The following TMEM132D variants were observed in gnomAD, a reference collection of about 807,000 sequenced individuals.
TMEM132D encodes transmembrane protein 132D.
In TMEM132D, 21 loss-of-function variants were observed where a neutral mutation model predicts 62.3. That is an observed-to-expected ratio of 0.34 (90% CI 0.24 to 0.49). TMEM132D has a LOEUF of 0.49. Ranked by LOEUF, TMEM132D falls within the 20% of genes least tolerant of loss-of-function variation. The pLI, the probability that TMEM132D is intolerant of heterozygous loss-of-function variation, is 0.99. For missense variants in TMEM132D, 1,346 were observed against 1,402.8 expected (o/e 0.96, Z 0.65); for synonymous variants, 621 against 575.6 (o/e 1.08, Z -1.13).
At chr12:129,154,628 G>A (rs1877178860) in intron 5 of TMEM132D, among the ~76,000 whole-genome samples, 2 of 152,202 alleles carry the variant, frequency 1.3e-5, no homozygotes, top group Admixed American at 6.5e-5. Context: ...GGATCATATT[G>A]TTTGTGATTG....
At chr12:129,642,078 C>T (rs186455384) in intron 2 of TMEM132D, among the ~76,000 whole-genome samples, 10 of 152,034 alleles carry the variant, frequency 6.6e-5, no homozygotes, top group South Asian at 4.2e-4. Flanking sequence ...AGAGACGGGA[C>T]GCTAGCCAGG....
intron 1 of TMEM132D, among the ~76,000 whole-genome samples, chr12:129,783,026 T>C (rs1871164412): frequency 6.6e-6 from 1 of 152,222 alleles, no homozygotes; most frequent in Non-Finnish European, 1.5e-5. Flanking sequence ...TCGCAGTAGG[T>C]TGGTGAAGTC....
intron 2 of TMEM132D, among the ~76,000 whole-genome samples, chr12:129,603,615 T>A (rs1878539130): frequency 3.3e-5 from 5 of 152,110 alleles, no homozygotes; most frequent in African/African-American, 1.2e-4. Context: ...AAAACCACAA[T>A]GAGATACTAT....
chr12:129,269,273 C>T (rs778441353), intron 4 of TMEM132D, among the ~76,000 whole-genome samples: 8 of 151,966 alleles, frequency 5.3e-5, no homozygotes, highest in Non-Finnish European at 1.0e-4. Flanking sequence ...TAGAGAAAAC[C>T]TCCAGGCCAC....
chr12:129,410,307 A>G (rs1871928350), intron 3 of TMEM132D, among the ~76,000 whole-genome samples: 1 of 152,214 alleles, frequency 6.6e-6, no homozygotes, highest in South Asian at 2.1e-4. Context: ...CACTGATGAT[A>G]AAGACATACT....
At chr12:129,844,267 G>A (rs899301093) in intron 1 of TMEM132D, among the ~76,000 whole-genome samples, 6 of 152,116 alleles carry the variant, frequency 3.9e-5, no homozygotes, top group African/African-American at 1.2e-4. Flanking sequence ...ATCTTTACAT[G>A]CTTGAAACAA....
At chr12:129,696,511 T>A (rs1285714930) in intron 2 of TMEM132D, among the ~76,000 whole-genome samples, 1 of 152,186 alleles carries the variant, frequency 6.6e-6, no homozygotes, top group Non-Finnish European at 1.5e-5. Context: ...TGTGGGCTGT[T>A]AGGTAACCAA....
chr12:129,362,623 T>C (rs758542540), intron 3 of TMEM132D, among the ~76,000 whole-genome samples: 2 of 152,156 alleles, frequency 1.3e-5, no homozygotes, highest in Middle Eastern at 3.2e-3. Context: ...AAAAAAACAA[T>C]TTGTATGCCA....
In TMEM132D at chr12:129,504,564, T is replaced by C. The variant is rs527829064; in HGVS notation, c.1115+26495A>G. Among the ~76,000 whole-genome samples, 63 of 152,320 alleles carry C rather than the reference T, an allele frequency of 4.1e-4. 1 individual carries two copies. Among genetic ancestry groups the C allele is most frequent in the African/African-American group, 1.4e-3 (59 of 41,574 alleles). ...ATTTTTTGTATTTCTGTGGTGTCAG[T>C]TGTAATATCCTCTGTTTCATTTGTA... On this transcript the variant is annotated intron_variant, in intron 3 of 8. Coordinates refer to ENST00000422113, the MANE Select transcript of TMEM132D (RefSeq NM_133448.3).
At chr12:129,530,207 C>A (rs1167960454) in intron 3 of TMEM132D, among the ~76,000 whole-genome samples, 1 of 152,146 alleles carries the variant, frequency 6.6e-6, no homozygotes, top group Non-Finnish European at 1.5e-5. Flanking sequence ...GATTCCTGAG[C>A]TCCCTGCTAG....
chr12:129,764,344 C>T (rs1003959302), intron 1 of TMEM132D, among the ~76,000 whole-genome samples: 1 of 152,128 alleles, frequency 6.6e-6, no homozygotes, highest in African/African-American at 2.4e-5. Context: ...ACCCAAAACT[C>T]AAATGACAAT....
intron 5 of TMEM132D, among the ~76,000 whole-genome samples, chr12:129,137,959 G>A (rs1876634723): frequency 6.6e-6 from 1 of 152,014 alleles, no homozygotes; most frequent in Non-Finnish European, 1.5e-5. Flanking sequence ...TCCATGTGTG[G>A]TGCTTACTGA....
chr12:129,283,070 C>G lies in TMEM132D; in HGVS notation c.1299+54564G>C, dbSNP rs112757877. 9.6e-3 allele frequency among the ~76,000 whole-genome samples: 1,457 copies of G among 152,258 alleles called. 17 individuals are homozygous for G. The highest frequency in any genetic ancestry group is 0.034 in the African/African-American group (1,392 of 41,552). On this transcript the variant is annotated intron_variant, in intron 4 of 8. Transcript: ENST00000422113. Reference sequence around the variant, plus strand: ...GGATTTGCCAGGCAGGAGCTGATACCTATAGATCTGTCATTCACTGACTCA... The same window carrying G: ...GGATTTGCCAGGCAGGAGCTGATACGTATAGATCTGTCATTCACTGACTCA...
chr12:129,281,616 C>T (rs913882245), intron 4 of TMEM132D, among the ~76,000 whole-genome samples: 4 of 150,746 alleles, frequency 2.7e-5, no homozygotes, highest in Non-Finnish European at 5.9e-5. Context: ...AGGAATCTTC[C>T]TGACGCCCCC....
At chr12:129,114,462 C>T (rs1282184105) in intron 5 of TMEM132D, among the ~76,000 whole-genome samples, 3 of 151,156 alleles carry the variant, frequency 2.0e-5, no homozygotes, top group Admixed American at 1.3e-4. Flanking sequence ...TTTCTCATCT[C>T]TTCTCTTCTC....
At chr12:129,203,244 T>C (rs533183953) in intron 5 of TMEM132D, among the ~76,000 whole-genome samples, 1 of 152,372 alleles carries the variant, frequency 6.6e-6, no homozygotes, top group African/African-American at 2.4e-5. Flanking sequence ...TTCCTTTTTC[T>C]GTCTATAAAT....
chr12:129,075,084 A>G (rs781250783), intron 8 of TMEM132D, 25 bp from the exon 9 acceptor site: 1 of 1,577,672 alleles, frequency 6.3e-7, no homozygotes, highest in Non-Finnish European at 8.6e-7. Context: ...ATGTAAGTTA[A>G]TCAAATGGGC....
intron 2 of TMEM132D, among the ~76,000 whole-genome samples, chr12:129,536,863 A>G (rs1332440116): frequency 1.3e-5 from 2 of 152,086 alleles, no homozygotes; most frequent in African/African-American, 4.8e-5. Context: ...CAGTAAAAAT[A>G]TTTTCATATG....
chr12:129,139,244 A>G (rs1437981918), intron 5 of TMEM132D, among the ~76,000 whole-genome samples: 2 of 152,128 alleles, frequency 1.3e-5, no homozygotes, highest in Admixed American at 1.3e-4. Context: ...AGAGCAAAAC[A>G]TTTCCAGTAG....
Sources: gnomAD v4.1 joint callset for allele counts (sites outside exome capture counted in the v4.1 genomes callset) on GRCh38, gnomAD v4.1.1 for gene constraint, MANE v1.5 for transcripts, NCBI Gene and HGNC (gene_info 2026-07-23, HGNC 2026-07-21) for gene names.